Variants in HACL2 observed in about 807,000 individuals in gnomAD.
HACL2 encodes the protein 2-hydroxyacyl-CoA lyase 1 like.
the HACL2 span, chr19:15,123,376 G>A: frequency 3.8e-5 from 61 of 1,612,880 alleles, no homozygotes; most frequent in Non-Finnish European, 4.8e-5. This position sits in a 1 kb window ranked among gnomAD's most constrained non-coding sequence, Gnocchi z 5.1. Flanking sequence ...TGCCCTCACC[G>A]GACAGGCGGG....
chr19:15,124,853 G>A, the HACL2 span: 1 of 1,533,760 alleles, frequency 6.5e-7, no homozygotes, highest in East Asian at 2.4e-5. Flanking sequence ...CAATGAGTGA[G>A]CTGGAAGCAG....
chr19:15,124,966 C>A, the HACL2 span: 1 of 1,607,842 alleles, frequency 6.2e-7, no homozygotes, highest in East Asian at 2.2e-5. Flanking sequence ...CGGTGAGCGG[C>A]GCCCAGCAAG....
At chr19:15,118,487 CAT>C in the HACL2 span, among the ~76,000 whole-genome samples, 84 of 152,242 alleles carry the variant, frequency 5.5e-4, no homozygotes, top group Middle Eastern at 6.8e-3. Flanking sequence ...CGGAGCCACA[CAT>C]AGAGACCTGT....
chr19:15,116,212 A>T, the HACL2 span: 1 of 1,613,916 alleles, frequency 6.2e-7, no homozygotes, highest in Middle Eastern at 1.6e-4. Flanking sequence ...GTGCCCACGA[A>T]GTCCCCGCCA....
At chr19:15,122,595 C>G in the HACL2 span, 2 of 1,012,060 alleles carry the variant, frequency 2.0e-6, no homozygotes, top group East Asian at 2.4e-5. This position sits in a 1 kb window ranked among gnomAD's most constrained non-coding sequence, Gnocchi z 4.0. Context: ...CTGTCTCCTC[C>G]CAGTCCACAT....
chr19:15,122,326 G>A, the HACL2 span, among the ~76,000 whole-genome samples: 2 of 152,120 alleles, frequency 1.3e-5, no homozygotes, highest in Admixed American at 6.5e-5. This position sits in a 1 kb window ranked among gnomAD's most constrained non-coding sequence, Gnocchi z 4.0. Flanking sequence ...CCTTTAGGAG[G>A]AGGAAAACGG....
chr19:15,117,048 C>G, the HACL2 span: 1 of 168,054 alleles, frequency 6.0e-6, no homozygotes, highest in African/African-American at 2.4e-5. Flanking sequence ...GAGCAGCCCC[C>G]CTGGCCTCCA....
chr19:15,124,848 A>G, the HACL2 span: 8 of 1,527,730 alleles, frequency 5.2e-6, no homozygotes, highest in East Asian at 1.5e-4. Flanking sequence ...CTGCACAATG[A>G]GTGAGCTGGA....
the HACL2 span, chr19:15,119,339 G>T: frequency 3.7e-6 from 6 of 1,604,962 alleles, no homozygotes; most frequent in Admixed American, 1.0e-4. Context: ...AGTGTGGCCG[G>T]GGCCTCCCGC....
the HACL2 span, chr19:15,115,176 G>A: frequency 6.4e-7 from 1 of 1,554,520 alleles, no homozygotes; most frequent in South Asian, 1.1e-5. Context: ...CCCAGGGCAA[G>A]CAATGATGAG....
chr19:15,119,231 T>G, the HACL2 span: 1 of 1,607,514 alleles, frequency 6.2e-7, no homozygotes, highest in Non-Finnish European at 8.5e-7. Flanking sequence ...GTGGAGGGGG[T>G]GGTTGCGGCC....
the HACL2 span, chr19:15,115,747 A>AG: frequency 6.4e-7 from 1 of 1,562,946 alleles, no homozygotes; most frequent in Non-Finnish European, 8.8e-7. Context: ...AGACAGGGAT[A>AG]GGGCCTCTGC....
the HACL2 span, chr19:15,125,095 A>C: frequency 1.3e-6 from 2 of 1,494,708 alleles, no homozygotes; most frequent in Non-Finnish European, 1.8e-6. Context: ...CACTTCCCAG[A>C]CTTGGGCGCG....
chr19:15,125,095 A>T, the HACL2 span: 1 of 1,494,828 alleles, frequency 6.7e-7, no homozygotes, highest in East Asian at 2.5e-5. Context: ...CACTTCCCAG[A>T]CTTGGGCGCG....
the HACL2 span, chr19:15,117,300 G>A: frequency 6.5e-6 from 1 of 153,762 alleles, no homozygotes; most frequent in Non-Finnish European, 1.4e-5. Context: ...TGAGGGCAGT[G>A]GGCAGTGTGG....
the HACL2 span, among the ~76,000 whole-genome samples, chr19:15,121,990 T>C: frequency 1.4e-5 from 2 of 148,120 alleles, no homozygotes; most frequent in South Asian, 2.2e-4. Context: ...CTCCACCTCC[T>C]GGGTTCACGC....
At chr19:15,123,365 A>T in the HACL2 span, 1 of 1,612,210 alleles carries the variant, frequency 6.2e-7, no homozygotes, top group African/African-American at 1.3e-5. This position sits in a 1 kb window ranked among gnomAD's most constrained non-coding sequence, Gnocchi z 5.1. Flanking sequence ...CCTCTCTGCA[A>T]TGCCCTCACC....
chr19:15,115,549 C>T, the HACL2 span: 14 of 1,607,372 alleles, frequency 8.7e-6, no homozygotes, highest in Middle Eastern at 3.3e-4. Context: ...CTCCCAACCT[C>T]GCTGAGGCCC....
the HACL2 span, among the ~76,000 whole-genome samples, chr19:15,122,152 A>G: frequency 2.0e-5 from 3 of 150,650 alleles, no homozygotes; most frequent in African/African-American, 4.9e-5. The surrounding 1 kb of genome is among the most constrained non-coding windows in gnomAD (Gnocchi z 4.0). Context: ...TGATCTGCCC[A>G]CCTCGGCCTC....
Sources: gnomAD v4.1 joint callset for allele counts (sites outside exome capture counted in the v4.1 genomes callset) on GRCh38, gnomAD v4.1.1 for gene constraint, Gnocchi (gnomAD v3.1) non-coding constraint, MANE v1.5 for transcripts, NCBI Gene and HGNC (gene_info 2026-07-23, HGNC 2026-07-21) for gene names.